WDR19: variants seen among roughly 807,000 people sequenced by gnomAD.
WDR19 encodes the protein WD repeat domain 19, also known as WD repeat-containing protein 19.
In WDR19, 121 loss-of-function variants were observed where a neutral mutation model predicts 180.0. That is an observed-to-expected ratio of 0.67 (90% CI 0.58 to 0.78). The LOEUF (loss-of-function observed/expected upper bound fraction) is 0.78, where lower values mean the gene tolerates loss of function less well. WDR19 is among the 30% of genes least tolerant of loss of function. The pLI is 0.00. For missense variants in WDR19, 1,450 were observed against 1,640.7 expected (o/e 0.88, Z 2.01); for synonymous variants, 497 against 540.7 (o/e 0.92, Z 1.12).
intron 9 of WDR19, among the ~76,000 whole-genome samples, chr4:39,211,941 G>C (rs955533463): frequency 1.0e-3 from 3 of 2,984 alleles, no homozygotes; most frequent in Admixed American, 0.012. Flanking sequence ...GAGAGAGAGA[G>C]AGAGAGAGAG....
At chr4:39,209,560 A>C (rs1447209599) in intron 9 of WDR19, among the ~76,000 whole-genome samples, 1 of 152,104 alleles carries the variant, frequency 6.6e-6, no homozygotes, top group Non-Finnish European at 1.5e-5. Context: ...TAAAAATACA[A>C]AACTAGCCGG....
intron 15 of WDR19, among the ~76,000 whole-genome samples, chr4:39,227,181 G>A (rs1730362434): frequency 6.6e-6 from 1 of 152,110 alleles, no homozygotes; most frequent in Non-Finnish European, 1.5e-5. Context: ...ACATGTAGAT[G>A]TTATAATAGC....
intron 28 of WDR19, among the ~76,000 whole-genome samples, chr4:39,264,346 A>T (rs6835064): frequency 0.34 from 51,647 of 152,090 alleles, 8,937 homozygotes; most frequent in African/African-American, 0.39. Flanking sequence ...TTTATGTACC[A>T]ACGTCCCTGC....
At chr4:39,226,250 A>G (rs2109352993) in intron 15 of WDR19, among the ~76,000 whole-genome samples, 1 of 152,340 alleles carries the variant, frequency 6.6e-6, no homozygotes, top group South Asian at 2.1e-4. Flanking sequence ...AGCCTTAAAC[A>G]AGGTGATTTC....
chr4:39,253,170 T>C lies in WDR19; in HGVS notation c.2754T>C (p.Tyr918=), dbSNP rs2109437365. 1.9e-6 allele frequency: 3 copies of C among 1,608,920 alleles called. No homozygotes were observed. The South Asian group carries it at 3.4e-5, about 18-fold the overall frequency. ...DGRYKEAVVA[Y]ENAKQWQSVI... Reference sequence around the variant, plus strand: ...GATACAAAGAAGCTGTTGTAGCTTATGAAAATGCAAAACAGTGGCAAAGTG... The same window carrying C: ...GATACAAAGAAGCTGTTGTAGCTTACGAAAATGCAAAACAGTGGCAAAGTG... The change falls in exon 25 of 37, where the codon TAT becomes TAC. Residue 918 remains tyrosine (Y), a synonymous_variant. Transcript: ENST00000399820.
intron 35 of WDR19, 87 bp downstream of exon 35, chr4:39,278,294 T>C: frequency 1.6e-6 from 2 of 1,280,034 alleles, no homozygotes; most frequent in Non-Finnish European, 2.2e-6. Flanking sequence ...AGCATTCTTC[T>C]ATTTGTGTTC....
chr4:39,284,104 A>ATAT (rs764946917), intron 36 of WDR19, among the ~76,000 whole-genome samples: 47 of 151,938 alleles, frequency 3.1e-4, no homozygotes, highest in Non-Finnish European at 5.9e-4. Flanking sequence ...CTGTATGTTT[A>ATAT]TATTTTTCCC....
intron 9 of WDR19, among the ~76,000 whole-genome samples, chr4:39,206,908 CCTT>C (rs1560492340): frequency 6.6e-6 from 1 of 152,132 alleles, no homozygotes. Context: ...AAAATATTAA[CCTT>C]CTCCATGGGA....
intron 33 of WDR19, 100 bp from the exon 34 acceptor site, chr4:39,276,920 G>GTGT: frequency 2.1e-6 from 3 of 1,424,000 alleles, no homozygotes; most frequent in Non-Finnish European, 2.9e-6. Flanking sequence ...TATGAAGTAG[G>GTGT]TGTGTCATAT....
At chr4:39,283,659 T>C (rs2041970892) in intron 36 of WDR19, among the ~76,000 whole-genome samples, 1 of 152,176 alleles carries the variant, frequency 6.6e-6, no homozygotes, top group East Asian at 1.9e-4. Flanking sequence ...TACAATGATA[T>C]AATTTTTCTT....
chr4:39,217,205 G>A lies in WDR19; in HGVS notation c.1321G>A (p.Ala441Thr). Reference protein sequence around the residue: ...ASICLHSDYAAALFEGKVQLH... With the variant: ...ASICLHSDYATALFEGKVQLH... ...TATTTGCCTTCATTCTGACTATGCT[G>A]CTGCACTTTTTGAAGGCAAAGTCCA... Residue 441 changes from alanine (A) to threonine (T), a missense_variant, in exon 13 of 37, where the codon GCT becomes ACT. Transcript: ENST00000399820. 6.2e-7 allele frequency: 1 copy of A among 1,606,692 alleles called. No homozygotes were observed. The highest frequency in any genetic ancestry group is 8.5e-7 in the Non-Finnish European group (1 of 1,176,562).
At chr4:39,205,357 G>A (rs1198492739) in intron 8 of WDR19, 91 bp downstream of exon 8, 1 of 1,299,054 alleles carries the variant, frequency 7.7e-7, no homozygotes. Context: ...ATTTTTGTTT[G>A]TAACATTCAA....
chr4:39,264,745 A>G (rs1734615957), intron 28 of WDR19, among the ~76,000 whole-genome samples: 1 of 152,234 alleles, frequency 6.6e-6, no homozygotes, highest in South Asian at 2.1e-4. Context: ...TAGACACACA[A>G]TTCTGAAGCC....
chr4:39,254,042 T>G lies in WDR19; in HGVS notation c.3001+12T>G, dbSNP rs754919362. ...TGCAGATATTATTGGTAAATATCATTTTTTCCCTGGTTCTCTTCAAGATGT... is the reference window on the plus strand; with the variant it reads ...TGCAGATATTATTGGTAAATATCATGTTTTCCCTGGTTCTCTTCAAGATGT... On this transcript the variant is annotated intron_variant, in intron 26 of 36. Coordinates refer to ENST00000399820, the MANE Select transcript of WDR19 (RefSeq NM_025132.4). The G allele has an allele frequency of 6.2e-7, 1 of 1,604,450 alleles. No homozygotes were observed. Among genetic ancestry groups the G allele is most frequent in the Non-Finnish European group, 8.5e-7 (1 of 1,175,154 alleles).
chr4:39,193,498 T>C (rs1037719877), intron 4 of WDR19, among the ~76,000 whole-genome samples: 1 of 152,214 alleles, frequency 6.6e-6, no homozygotes, highest in Non-Finnish European at 1.5e-5. Context: ...TATATGCTTC[T>C]ATTATTACAA....
At chr4:39,217,915 C>A in intron 13 of WDR19, 68 bp from the exon 14 acceptor site, 1 of 1,569,868 alleles carries the variant, frequency 6.4e-7, no homozygotes, top group Non-Finnish European at 8.7e-7. Flanking sequence ...GAAAAAGACA[C>A]CCCTAGATGT....
At chr4:39,224,688 G>A (rs1417767958) in intron 14 of WDR19, among the ~76,000 whole-genome samples, 196 bp from the exon 15 acceptor site, 2 of 152,078 alleles carry the variant, frequency 1.3e-5, no homozygotes, top group African/African-American at 2.4e-5. Flanking sequence ...GAGCCACTGC[G>A]CCCAGCTTTT....
rs1449526960 is a variant in WDR19, at chr4:39,257,496, A to G, written c.3125A>G (p.His1042Arg). ...LCGQYSRALK[H>R]FLKCPSSEDN... ...TAATTCGCTTTTCAGGCACTTAAAC[A>G]CTTCCTGAAATGCCCAAGCTCGGAA... Residue 1042 changes from histidine (H) to arginine (R), a missense_variant, in exon 28 of 37, where the codon CAC becomes CGC. Physicochemically the swap from His to Arg is conservative, Grantham distance 29. Transcript: ENST00000399820. The G allele has an allele frequency of 1.9e-6, 3 of 1,583,480 alleles. No individual in the cohort carries two copies. Among genetic ancestry groups the G allele is most frequent in the South Asian group, 1.2e-5 (1 of 86,470 alleles).
At chr4:39,235,390 A>T (rs1353790561) in intron 20 of WDR19, among the ~76,000 whole-genome samples, 2 of 152,120 alleles carry the variant, frequency 1.3e-5, no homozygotes, top group Admixed American at 1.3e-4. Flanking sequence ...TCAGCCTCCC[A>T]AAGTGCTAGG....
Sources: gnomAD v4.1 joint callset for allele counts (sites outside exome capture counted in the v4.1 genomes callset) on GRCh38, gnomAD v4.1.1 for gene constraint, MANE v1.5 for transcripts, NCBI Gene and HGNC (gene_info 2026-07-23, HGNC 2026-07-21) for gene names.